The following MEGF11 variants were observed in gnomAD, a reference collection of about 807,000 sequenced individuals.
MEGF11 encodes the protein multiple epidermal growth factor-like domains protein 11.
In MEGF11, 126 loss-of-function variants were observed where a neutral mutation model predicts 146.6. The ratio of observed to expected loss-of-function variants is 0.86; its 90% CI spans 0.74 to 1.00. The LOEUF is 1.00. MEGF11 is among the 50% of genes least tolerant of loss of function. The pLI is 0.00. For missense variants in MEGF11, 1,509 were observed against 1,521.2 expected, an observed-to-expected ratio of 0.99 and a Z score of 0.13; for synonymous variants, 532 against 583.4, an observed-to-expected ratio of 0.91 and a Z score of 1.27.
chr15:65,953,418 C>G (rs542400612), intron 10 of MEGF11, among the ~76,000 whole-genome samples: 7 of 152,252 alleles, frequency 4.6e-5, no homozygotes, highest in African/African-American at 9.6e-5. Context: ...TTCAGTGTCT[C>G]CCACCACCGC....
intron 1 of MEGF11, among the ~76,000 whole-genome samples, chr15:66,196,554 G>A (rs1383234729): frequency 6.6e-6 from 1 of 152,154 alleles, no homozygotes; most frequent in Non-Finnish European, 1.5e-5. Flanking sequence ...TTTAAGCAGG[G>A]GTAGGAAGAG....
intron 5 of MEGF11, among the ~76,000 whole-genome samples, chr15:66,044,413 T>C (rs1297779534): frequency 6.6e-6 from 1 of 152,162 alleles, no homozygotes; most frequent in South Asian, 2.1e-4. Flanking sequence ...CATTGTGAAC[T>C]TCTTCAAGGC....
At chr15:66,152,788 G>A (rs1308504669) in intron 1 of MEGF11, among the ~76,000 whole-genome samples, 2 of 152,250 alleles carry the variant, frequency 1.3e-5, no homozygotes, top group African/African-American at 2.4e-5. Context: ...TGGCCAGCAC[G>A]CTTCCTGAGG....
chr15:65,973,553 AAGGCTG>A (rs1170498713), intron 7 of MEGF11, among the ~76,000 whole-genome samples: 2 of 152,146 alleles, frequency 1.3e-5, no homozygotes, highest in African/African-American at 4.8e-5. Flanking sequence ...CCAGGAGTTC[AAGGCTG>A]CAGTGAGCTA....
intron 5 of MEGF11, among the ~76,000 whole-genome samples, chr15:66,061,637 G>T (rs1173101607): frequency 1.3e-5 from 1 of 78,024 alleles, no homozygotes; most frequent in Non-Finnish European, 2.3e-5. Context: ...CTCTTTTTTT[G>T]AGCCTTTTTT....
intron 5 of MEGF11, among the ~76,000 whole-genome samples, chr15:66,076,114 GAGAT>G (rs1300336484): frequency 1.3e-5 from 2 of 152,178 alleles, no homozygotes; most frequent in African/African-American, 4.8e-5. Flanking sequence ...GAAGAATAAA[GAGAT>G]AGATGGATGA....
intron 13 of MEGF11, among the ~76,000 whole-genome samples, chr15:65,923,872 C>G (rs2079267057): frequency 6.6e-6 from 1 of 152,146 alleles, no homozygotes; most frequent in African/African-American, 2.4e-5. Flanking sequence ...CTGGATGCCC[C>G]AGCTCTGGGG....
chr15:66,253,213 G>A (rs539598311), intron 1 of MEGF11, among the ~76,000 whole-genome samples: 15 of 152,242 alleles, frequency 9.9e-5, no homozygotes, highest in Middle Eastern at 3.4e-3. Context: ...GCTTGAGAGC[G>A]GAGTCCCCAG....
At chr15:65,959,849 A>G (rs1267482593) in intron 9 of MEGF11, among the ~76,000 whole-genome samples, 1 of 152,208 alleles carries the variant, frequency 6.6e-6, no homozygotes, top group Non-Finnish European at 1.5e-5. Flanking sequence ...GACTTGCCCA[A>G]GGTCACATAG....
intron 1 of MEGF11, among the ~76,000 whole-genome samples, chr15:66,196,308 C>G (rs2091008287): frequency 6.6e-6 from 1 of 151,976 alleles, no homozygotes; most frequent in African/African-American, 2.4e-5. Flanking sequence ...CCCGTCTTTA[C>G]TAAAAATACA....
chr15:66,034,918 GCT>G (rs1447172222), intron 5 of MEGF11, among the ~76,000 whole-genome samples: 1 of 152,170 alleles, frequency 6.6e-6, no homozygotes, highest in African/African-American at 2.4e-5. Context: ...GTAAAAGTGA[GCT>G]CTCTCTGGCT....
At position 65,965,619 on chromosome 15, in the gene MEGF11, T is replaced by TCTTTCTTTTC. The variant is rs2081059626; in HGVS notation, c.900-500_900-499insGAAAAGAAAG. Among the ~76,000 whole-genome samples the TCTTTCTTTTC allele has an allele frequency of 7.6e-4, 91 of 119,954 alleles. 3 individuals carry two copies. The highest frequency in any genetic ancestry group is 4.7e-3 in the Middle Eastern group (1 of 212). 78.7% of individuals were successfully genotyped at this position (119,954 alleles called of 152,430 possible). On this transcript the variant is annotated intron_variant, in intron 8 of 25. Coordinates refer to ENST00000395614, the MANE Select transcript of MEGF11 (RefSeq NM_001385028.1). ...TTCTTTCTTTTTTTTTTTTCTTTTTTTTTTTTTTGGCTCTTCTATTCTTTT... is the reference window on the plus strand; with the variant it reads ...TTCTTTCTTTTTTTTTTTTCTTTTTTCTTTCTTTTCTTTTTTTTGGCTCTTCTATTCTTTT...
chr15:66,216,552 A>G (rs1253279552), intron 1 of MEGF11, among the ~76,000 whole-genome samples: 1 of 152,124 alleles, frequency 6.6e-6, no homozygotes, highest in East Asian at 1.9e-4. Flanking sequence ...CTGCTGAGCA[A>G]CCCACCCCAA....
intron 24 of MEGF11, among the ~76,000 whole-genome samples, chr15:65,903,766 G>A (rs896461601): frequency 1.3e-5 from 2 of 152,098 alleles, no homozygotes; most frequent in Non-Finnish European, 2.9e-5. Flanking sequence ...TGTTTATTTC[G>A]GGGGGCGTTA....
chr15:66,100,371 A>G, intron 4 of MEGF11, among the ~76,000 whole-genome samples: 1 of 151,968 alleles, frequency 6.6e-6, no homozygotes, highest in Non-Finnish European at 1.5e-5. Context: ...TCTCTCCGGC[A>G]CCCCATAGAG....
intron 1 of MEGF11, among the ~76,000 whole-genome samples, chr15:66,251,469 C>T (rs758000071): frequency 6.6e-6 from 1 of 152,210 alleles, no homozygotes; most frequent in Non-Finnish European, 1.5e-5. Flanking sequence ...TCCATTTACC[C>T]CCAGAGCTCG....
At chr15:66,038,630 G>A (rs2083819833) in intron 5 of MEGF11, among the ~76,000 whole-genome samples, 1 of 152,118 alleles carries the variant, frequency 6.6e-6, no homozygotes, top group African/African-American at 2.4e-5. Context: ...AAAAAACTGA[G>A]GCCCAGGCAA....
At chr15:66,083,284 T>C (rs565491131) in intron 5 of MEGF11, among the ~76,000 whole-genome samples, 22 of 152,352 alleles carry the variant, frequency 1.4e-4, no homozygotes, top group African/African-American at 5.3e-4. Flanking sequence ...TTTCATTCTA[T>C]TATAAATCTG....
At chr15:66,031,226 C>T (rs538520739) in intron 5 of MEGF11, among the ~76,000 whole-genome samples, 11 of 152,290 alleles carry the variant, frequency 7.2e-5, no homozygotes, top group East Asian at 3.9e-4. Flanking sequence ...CCTAGGTACC[C>T]GCTAATTAAC....
Sources: gnomAD v4.1 joint callset for allele counts (sites outside exome capture counted in the v4.1 genomes callset) on GRCh38, gnomAD v4.1.1 for gene constraint, MANE v1.5 for transcripts, NCBI Gene and HGNC (gene_info 2026-07-23, HGNC 2026-07-21) for gene names.